GRM1: variants seen among roughly 807,000 people sequenced by gnomAD.
GRM1 encodes metabotropic glutamate receptor 1.
Under a neutral mutation model 90.9 loss-of-function variants are expected in GRM1, and 33 were observed. The observed-to-expected ratio is 0.36, with a 90% confidence interval of 0.28 to 0.49. The LOEUF (loss-of-function observed/expected upper bound fraction) is 0.49. GRM1 is among the 20% of genes least tolerant of loss of function. The probability of loss-of-function intolerance (pLI) is 0.99; values close to 1 mark genes in which losing one functional copy is unlikely to be tolerated. For synonymous variants in GRM1, 700 were observed against 613.2 expected, an observed-to-expected ratio of 1.14 and a Z score of -2.09; for missense variants, 1,190 against 1,534.3, an observed-to-expected ratio of 0.78 and a Z score of 3.75.
chr6:146,202,530 A>T lies in GRM1; in HGVS notation c.950+42933A>T, dbSNP rs571908601. 2.0e-5 allele frequency among the ~76,000 whole-genome samples: 3 copies of T among 152,322 alleles called. No homozygotes were observed. In the East Asian group the frequency reaches 5.8e-4, roughly 29 times the overall value. ...TAACTTGAATTAAATATCATTTACA[A>T]TTCTTAACACGATGGAGGTTTCTAA... On this transcript the variant is annotated intron_variant, in intron 2 of 7. Coordinates refer to ENST00000282753, the MANE Select transcript of GRM1 (RefSeq NM_001278064.2).
intron 1 of GRM1, among the ~76,000 whole-genome samples, chr6:146,094,448 T>A (rs187248788): frequency 7.2e-5 from 11 of 152,256 alleles, no homozygotes; most frequent in Admixed American, 5.9e-4. Flanking sequence ...ATGCCATATG[T>A]TCTGGAATCA....
intron 3 of GRM1, among the ~76,000 whole-genome samples, chr6:146,342,136 T>G (rs2223773): frequency 0.2 from 31,106 of 152,106 alleles, 6,742 homozygotes; most frequent in African/African-American, 0.55. Context: ...TCTGAGGGTT[T>G]TAGAATCTAT....
chr6:146,044,711 A>G (rs1178397516), intron 1 of GRM1, among the ~76,000 whole-genome samples: 2 of 152,010 alleles, frequency 1.3e-5, no homozygotes, highest in African/African-American at 4.8e-5. Context: ...TACATGCTAA[A>G]GGAAAGTTTA....
At chr6:146,129,552 A>ATC in intron 1 of GRM1, among the ~76,000 whole-genome samples, 1 of 152,184 alleles carries the variant, frequency 6.6e-6, no homozygotes, top group East Asian at 1.9e-4. Flanking sequence ...TGCACAGAGC[A>ATC]ACTTGGGAAG....
At chr6:146,239,314 A>T (rs889134555) in intron 2 of GRM1, among the ~76,000 whole-genome samples, 1 of 152,136 alleles carries the variant, frequency 6.6e-6, no homozygotes, top group Non-Finnish European at 1.5e-5. Context: ...ATTTCCACTA[A>T]TATTTTAGGC....
chr6:146,232,857 G>A (rs1291087587), intron 2 of GRM1, among the ~76,000 whole-genome samples: 2 of 152,032 alleles, frequency 1.3e-5, no homozygotes, highest in African/African-American at 2.4e-5. Context: ...TTCCATAACA[G>A]TGTCATTCAA....
intron 6 of GRM1, among the ~76,000 whole-genome samples, chr6:146,394,398 C>T (rs1776852055): frequency 6.6e-6 from 1 of 151,906 alleles, no homozygotes; most frequent in Non-Finnish European, 1.5e-5. Context: ...TATGAATAAG[C>T]AAGAATATAC....
At chr6:146,381,312 C>G (rs2115125422) in intron 5 of GRM1, among the ~76,000 whole-genome samples, 1 of 152,346 alleles carries the variant, frequency 6.6e-6, no homozygotes, top group African/African-American at 2.4e-5. Context: ...CCCATGGAAT[C>G]AGCGAGTATC....
chr6:146,204,146 A>T (rs904539564), intron 2 of GRM1, among the ~76,000 whole-genome samples: 6 of 152,156 alleles, frequency 3.9e-5, no homozygotes, highest in Non-Finnish European at 8.8e-5. Context: ...GCATGTGTTA[A>T]TTTATAAGGT....
At chr6:146,433,303 T>C (rs190757328) in intron 7 of GRM1, among the ~76,000 whole-genome samples, 1 of 152,304 alleles carries the variant, frequency 6.6e-6, no homozygotes, top group East Asian at 1.9e-4. Context: ...TTATGTTCCT[T>C]ATAGGTACCC....
chr6:146,135,429 G>A (rs1337326136), intron 1 of GRM1, among the ~76,000 whole-genome samples: 1 of 152,232 alleles, frequency 6.6e-6, no homozygotes, highest in Non-Finnish European at 1.5e-5. Flanking sequence ...GCTCTGTGAT[G>A]TGAAGTGGTG....
intron 7 of GRM1, among the ~76,000 whole-genome samples, chr6:146,432,691 A>T (rs1284258812): frequency 1.3e-5 from 2 of 152,246 alleles, no homozygotes; most frequent in Non-Finnish European, 2.9e-5. Flanking sequence ...AAAAGAAACA[A>T]TTATTTCCTG....
At chr6:146,146,103 CTTTTTTTTTTTTTTT>C (rs35329703) in intron 1 of GRM1, among the ~76,000 whole-genome samples, 10 of 19,988 alleles carry the variant, frequency 5.0e-4, no homozygotes, top group Middle Eastern at 0.045. Flanking sequence ...ACCATTGTAT[CTTTTTTTTTTTTTTT>C]TTTTTTTTTT....
intron 7 of GRM1, among the ~76,000 whole-genome samples, chr6:146,403,621 G>T (rs1320042683): frequency 6.6e-6 from 1 of 151,900 alleles, no homozygotes; most frequent in African/African-American, 2.4e-5. Flanking sequence ...AATATATTTT[G>T]TCCACCAGTA....
intron 7 of GRM1, among the ~76,000 whole-genome samples, chr6:146,421,145 A>C (rs79865093): frequency 0.016 from 2,378 of 152,276 alleles, 70 homozygotes; most frequent in African/African-American, 0.055. Flanking sequence ...ATGAATGTGC[A>C]TGCTCAACAA....
intron 3 of GRM1, among the ~76,000 whole-genome samples, chr6:146,315,678 T>G (rs1046280774): frequency 1.3e-5 from 2 of 151,944 alleles, no homozygotes; most frequent in Non-Finnish European, 2.9e-5. Context: ...CAAGCATTTA[T>G]TTTAAGGACA....
At chr6:146,036,611 G>A (rs887087056) in intron 1 of GRM1, among the ~76,000 whole-genome samples, 1 of 151,846 alleles carries the variant, frequency 6.6e-6, no homozygotes. Context: ...AGGCATTGTA[G>A]TACCAAATAG....
intron 1 of GRM1, among the ~76,000 whole-genome samples, chr6:146,104,212 G>A (rs1021365572): frequency 2.0e-5 from 3 of 152,118 alleles, no homozygotes; most frequent in East Asian, 1.9e-4. Flanking sequence ...AGGCCGAGGC[G>A]GGCGGATCAC....
intron 1 of GRM1, among the ~76,000 whole-genome samples, chr6:146,137,749 A>G (rs1776678742): frequency 6.6e-6 from 1 of 152,170 alleles, no homozygotes; most frequent in South Asian, 2.1e-4. Context: ...CTTTGGGTAT[A>G]TGAACATTTT....
Sources: gnomAD v4.1 joint callset for allele counts (sites outside exome capture counted in the v4.1 genomes callset) on GRCh38, gnomAD v4.1.1 for gene constraint, MANE v1.5 for transcripts, NCBI Gene and HGNC (gene_info 2026-07-23, HGNC 2026-07-21) for gene names.